Variants in CD200R1L observed in about 807,000 individuals in gnomAD.
CD200R1L encodes cell surface glycoprotein CD200 receptor 2.
Under a neutral mutation model 24.8 loss-of-function variants are expected in CD200R1L, and 14 were observed. The observed-to-expected ratio is 0.56, with a 90% CI of 0.37 to 0.88. The LOEUF (loss-of-function observed/expected upper bound fraction) is 0.88, where lower values mean the gene tolerates loss of function less well. Among genes scored for constraint, CD200R1L ranks in the 40% least tolerant of loss-of-function variants. CD200R1L has a pLI of 0.00. For synonymous variants in CD200R1L, 111 were observed against 109.2 expected, an observed-to-expected ratio of 1.02 and a Z score of -0.11; for missense variants, 299 against 297.8, an observed-to-expected ratio of 1.00 and a Z score of -0.03.
At chr3:112,829,471 T>G in intron 3 of CD200R1L, 87 bp from the exon 4 acceptor site, 1 of 1,357,396 alleles carries the variant, frequency 7.4e-7, no homozygotes, top group Non-Finnish European at 1.0e-6. Flanking sequence ...TTACTCAACA[T>G]GAAGACAATT....
rs1224751336 is a variant in CD200R1L, at chr3:112,827,614, A to G, written c.120T>C (p.Asn40=). The G allele has an allele frequency of 6.2e-7, 1 of 1,613,934 alleles. No homozygotes were observed. The highest frequency in any genetic ancestry group is 8.5e-7 in the Non-Finnish European group (1 of 1,179,882). ...VLCCPPIALR[N]LIIITWEIIL... ...TTATTTCCCATGTTATTATGATCAAATTTCTTAATGCGATAGGAGGGCAAC... is the reference window on the plus strand; with the variant it reads ...TTATTTCCCATGTTATTATGATCAAGTTTCTTAATGCGATAGGAGGGCAAC... The change falls in exon 5 of 8, where the codon AAT becomes AAC. Residue 40 remains asparagine, a synonymous_variant. Transcript: ENST00000488794.
In CD200R1L at chr3:112,815,959, T is replaced by C. The variant is rs1449612100; in HGVS notation, c.*4A>G. ...AGAAGCAAAAGAAGACCCTTCCTTC[T>C]TCTTTAAAGAACTTTTCTGAAAGTA... On this transcript the variant is annotated 3_prime_UTR_variant, in exon 8 of 8. Transcript: ENST00000488794. The C allele has an allele frequency of 1.3e-6, 1 of 780,430 alleles. No homozygotes were observed. Among genetic ancestry groups the C allele is most frequent in the Non-Finnish European group, 2.4e-6 (1 of 417,792 alleles). The allele number at this position is 780,430 out of a possible 1,614,324, so 48.3% of individuals were successfully genotyped here. A position where few individuals can be genotyped will look rare whatever the true frequency, so the allele number is the denominator to read the frequency against.
At chr3:112,830,786 C>A (rs1035338925) in intron 3 of CD200R1L, among the ~76,000 whole-genome samples, 2 of 151,684 alleles carry the variant, frequency 1.3e-5, no homozygotes, top group African/African-American at 2.4e-5. Context: ...AGTATTTTAC[C>A]CACCCTGGAT....
In CD200R1L at chr3:112,829,301, A is replaced by G; in HGVS notation, c.49+18T>C. On this transcript the variant is annotated intron_variant, in intron 4 of 7. Transcript: ENST00000488794. ...TTTCCATCCCTCAGTGCTGGCCACT[A>G]CTAAGGGAGCATATTACCTTCTGCA... 3.1e-6 allele frequency: 5 copies of G among 1,604,308 alleles called. No individual in the cohort carries two copies. The highest frequency in any genetic ancestry group is 4.3e-6 in the Non-Finnish European group (5 of 1,171,066).
At chr3:112,828,936 C>A (rs919671421) in intron 4 of CD200R1L, among the ~76,000 whole-genome samples, 2 of 152,134 alleles carry the variant, frequency 1.3e-5, no homozygotes, top group Non-Finnish European at 2.9e-5. Flanking sequence ...TTTTGCTACA[C>A]CCTGCAATTA....
At chr3:112,828,736 T>C (rs1450783986) in intron 4 of CD200R1L, among the ~76,000 whole-genome samples, 8 of 152,162 alleles carry the variant, frequency 5.3e-5, no homozygotes, top group Non-Finnish European at 1.0e-4. Context: ...TCTGCCAACA[T>C]AGATTCTCAT....
At chr3:112,825,252 TA>T (rs142848683) in intron 6 of CD200R1L, among the ~76,000 whole-genome samples, 37,480 of 126,020 alleles carry the variant, frequency 0.3, 5,616 homozygotes, top group African/African-American at 0.46. Context: ...AAACAAAGAT[TA>T]AAAAAAAAAA....
intron 4 of CD200R1L, among the ~76,000 whole-genome samples, chr3:112,829,118 G>T (rs769109603): frequency 2.6e-5 from 4 of 152,186 alleles, no homozygotes; most frequent in Non-Finnish European, 4.4e-5. Context: ...CCTTAGCAAA[G>T]GTTCAGAGGT....
intron 6 of CD200R1L, among the ~76,000 whole-genome samples, chr3:112,822,524 T>C (rs1396615983): frequency 6.6e-6 from 1 of 152,064 alleles, no homozygotes; most frequent in Non-Finnish European, 1.5e-5. Context: ...AGCTTCTGGG[T>C]TGGGAGATTT....
rs749779481 is a variant in CD200R1L, at chr3:112,827,359, C to T, written c.367+8G>A. On this transcript the variant is annotated splice_region_variant and intron_variant, in intron 5 of 7. Transcript: ENST00000488794. Reference sequence around the variant, plus strand: ...ATGTGAAATACCTCAGTATGTGATGCTCCTTACCTAACACTTGGAGGTGAT... The same window carrying T: ...ATGTGAAATACCTCAGTATGTGATGTTCCTTACCTAACACTTGGAGGTGAT... 4 of 1,610,600 alleles carry T rather than the reference C, an allele frequency of 2.5e-6. No individual in the cohort carries two copies. In the African/African-American group the frequency reaches 5.3e-5, roughly 22 times the overall value.
chr3:112,818,835 A>G (rs891032350), intron 7 of CD200R1L: 1 of 154,456 alleles, frequency 6.5e-6, no homozygotes. Flanking sequence ...GGCAGGCACG[A>G]AGCTTTTGCA....
Position 112,827,448 on chromosome 3 carries a change from T to G in CD200R1L, c.286A>C (p.Thr96Pro). 1 of 1,614,206 alleles carries G rather than the reference T, an allele frequency of 6.2e-7. No individual in the cohort carries two copies. The highest frequency in any genetic ancestry group is 1.1e-5 in the South Asian group (1 of 91,086). Residue 96 changes from threonine to proline, a missense_variant, in exon 5 of 8, where the codon ACC (threonine) becomes CCC (proline). Coordinates refer to ENST00000488794, the MANE Select transcript of CD200R1L (RefSeq NM_001199215.3). ...NSDLQIRPVD[T>P]THDGYYRGIV... ...CCTCTGTAATACCCGTCATGAGTGGTGTCCACCGGACGAATCTGAAGGTCC... is the reference window on the plus strand; with the variant it reads ...CCTCTGTAATACCCGTCATGAGTGGGGTCCACCGGACGAATCTGAAGGTCC...
At chr3:112,835,390 C>T (rs1938913773) in intron 3 of CD200R1L, among the ~76,000 whole-genome samples, 2 of 152,208 alleles carry the variant, frequency 1.3e-5, no homozygotes, top group South Asian at 2.1e-4. Context: ...GTGCTCTCTA[C>T]AGGCAGGTTG....
chr3:112,821,655 T>TTTTG (rs1019523377), intron 6 of CD200R1L, among the ~76,000 whole-genome samples: 47 of 152,262 alleles, frequency 3.1e-4, no homozygotes, highest in East Asian at 1.9e-4. Flanking sequence ...TGTGGTGTTT[T>TTTTG]TTTTGTTTTG....
chr3:112,835,725 T>C (rs1448833918), intron 3 of CD200R1L, among the ~76,000 whole-genome samples: 1 of 152,214 alleles, frequency 6.6e-6, no homozygotes, highest in Admixed American at 6.5e-5. Context: ...CAAGCTGCCC[T>C]CAGCAACCCC....
chr3:112,840,649 T>C (rs1939055640), intron 2 of CD200R1L, among the ~76,000 whole-genome samples: 1 of 152,102 alleles, frequency 6.6e-6, no homozygotes, highest in Non-Finnish European at 1.5e-5. Context: ...ATGGACCAAA[T>C]TGTGGTCTAC....
At position 112,827,124 on chromosome 3, in the gene CD200R1L, T is replaced by C; in HGVS notation, c.485A>G (p.Lys162Arg). The change falls in exon 6 of 8, where the codon AAG becomes AGG. Residue 162 changes from lysine to arginine, a missense_variant. By Grantham distance (26) the Lys-to-Arg change is conservative. Transcript: ENST00000488794. ...TGTGCCATTGCCCCAGTATTCTTGC[T>C]TAGTGGCAAGAATAGATCCCTCTGG... ...WIPEGSILAT[K>R]QEYWGNGTVT... 5.6e-6 allele frequency: 9 copies of C among 1,613,510 alleles called. No individual in the cohort carries two copies. Among genetic ancestry groups the C allele is most frequent in the Non-Finnish European group, 7.6e-6 (9 of 1,180,018 alleles).
intron 2 of CD200R1L, among the ~76,000 whole-genome samples, chr3:112,844,087 C>A (rs776484000): frequency 1.3e-5 from 2 of 152,156 alleles, no homozygotes; most frequent in Admixed American, 6.5e-5. Flanking sequence ...AAGACTTAGC[C>A]ACTTAATAAT....
chr3:112,839,743 A>G (rs537675065), intron 2 of CD200R1L, among the ~76,000 whole-genome samples: 1 of 152,376 alleles, frequency 6.6e-6, no homozygotes, highest in South Asian at 2.1e-4. Context: ...GAAACTGAGC[A>G]CATAAAATTT....
Sources: allele counts gnomAD v4.1 joint callset (sites outside exome capture counted in the v4.1 genomes callset), GRCh38; gene constraint gnomAD v4.1.1; transcripts MANE v1.5; gene names NCBI Gene and HGNC (gene_info 2026-07-23, HGNC 2026-07-21).